FRMPD4: variants seen among roughly 807,000 people sequenced by gnomAD.
FRMPD4 encodes FERM and PDZ domain-containing protein 4.
In FRMPD4, 22 loss-of-function variants were observed where a neutral mutation model predicts 94.1. The ratio of observed to expected loss-of-function variants is 0.23; its 90% confidence interval spans 0.17 to 0.33. The LOEUF (loss-of-function observed/expected upper bound fraction) is 0.33. Ranked by LOEUF, FRMPD4 falls within the 10% of genes least tolerant of loss-of-function variation. FRMPD4 has a pLI of 1.00. For missense variants in FRMPD4, 1,111 were observed against 1,339.9 expected, an observed-to-expected ratio of 0.83 and a Z score of 2.67; for synonymous variants, 631 against 548.6, an observed-to-expected ratio of 1.15 and a Z score of -2.10.
intron 1 of FRMPD4, among the ~76,000 whole-genome samples, chrX:12,160,061 G>A (rs184135368): frequency 0.071 from 6,772 of 95,111 alleles, 542 homozygotes; most frequent in African/African-American, 0.25. Context: ...AGCTGTAGAT[G>A]TTGAGGGGTG....
intron 1 of FRMPD4, among the ~76,000 whole-genome samples, chrX:11,852,060 A>T: frequency 9.0e-6 from 1 of 111,236 alleles, no homozygotes; most frequent in Admixed American, 9.6e-5. Flanking sequence ...GATTAAGAAA[A>T]GAGTCTTTGT....
chrX:12,237,813 G>A (rs750156955), intron 1 of FRMPD4, among the ~76,000 whole-genome samples: 1 of 112,565 alleles, frequency 8.9e-6, no homozygotes, highest in African/African-American at 3.2e-5. Flanking sequence ...TTTTCTATAA[G>A]TATAATCCTT....
chrX:12,650,083 GAA>G (rs2059583131), intron 4 of FRMPD4, among the ~76,000 whole-genome samples: 1 of 112,829 alleles, frequency 8.9e-6, no homozygotes, highest in Non-Finnish European at 1.9e-5. Context: ...GTGTTCTGAG[GAA>G]AGAGATTGAG....
intron 1 of FRMPD4, among the ~76,000 whole-genome samples, chrX:12,170,108 T>C (rs901419005): frequency 9.0e-6 from 1 of 111,245 alleles, no homozygotes; most frequent in Non-Finnish European, 1.9e-5. Context: ...GCCTCCAAGA[T>C]TTTCTTCCAA....
intron 1 of FRMPD4, among the ~76,000 whole-genome samples, chrX:12,195,566 AGTT>A (rs1321830190): frequency 2.7e-5 from 3 of 111,645 alleles, no homozygotes; most frequent in African/African-American, 9.8e-5. Context: ...CAGAGCCCAG[AGTT>A]GTTATTGTTG....
chrX:12,543,985 G>A (rs1286722810), intron 2 of FRMPD4, among the ~76,000 whole-genome samples: 1 of 107,315 alleles, frequency 9.3e-6, no homozygotes, highest in Non-Finnish European at 1.9e-5. Context: ...CTATTGCAGG[G>A]ACAAAAAACC....
intron 1 of FRMPD4, among the ~76,000 whole-genome samples, chrX:12,251,068 G>A (rs1455278796): frequency 8.9e-6 from 1 of 112,178 alleles, no homozygotes; most frequent in East Asian, 2.8e-4. Context: ...GTAAAAATGT[G>A]GTAAATTTGC....
intron 1 of FRMPD4, among the ~76,000 whole-genome samples, chrX:12,388,171 T>C (rs2056423109): frequency 9.0e-6 from 1 of 111,250 alleles, no homozygotes; most frequent in African/African-American, 3.3e-5. Context: ...GCAAAAGTGT[T>C]AGTTACAAGG....
At chrX:12,204,585 C>G (rs919536993) in intron 1 of FRMPD4, among the ~76,000 whole-genome samples, 1 of 111,184 alleles carries the variant, frequency 9.0e-6, no homozygotes, top group Non-Finnish European at 1.9e-5. Context: ...CTTTGATTTT[C>G]GAAGCCTCCT....
At chrX:12,395,259 T>C (rs2056528117) in intron 1 of FRMPD4, among the ~76,000 whole-genome samples, 1 of 112,308 alleles carries the variant, frequency 8.9e-6, no homozygotes, top group Non-Finnish European at 1.9e-5. Flanking sequence ...CAGCTAGGCC[T>C]CTAACAAAAC....
At chrX:12,208,102 C>T (rs1180958433) in intron 1 of FRMPD4, among the ~76,000 whole-genome samples, 2 of 111,506 alleles carry the variant, frequency 1.8e-5, no homozygotes, top group Non-Finnish European at 3.8e-5. Context: ...CAAGCCTCCA[C>T]AAAATTAAGG....
intron 3 of FRMPD4, chrX:12,054,961 G>C (rs2054846156): frequency 9.0e-6 from 1 of 111,712 alleles, no homozygotes; most frequent in Admixed American, 9.5e-5. Flanking sequence ...TATTATAGAA[G>C]TGTGATGTGA....
intron 1 of FRMPD4, among the ~76,000 whole-genome samples, chrX:11,845,829 A>G (rs2053572937): frequency 9.2e-6 from 1 of 108,447 alleles, no homozygotes; most frequent in Non-Finnish European, 1.9e-5. Flanking sequence ...AAATTCAACA[A>G]CCCTTCACGC....
At chrX:12,313,791 G>A (rs1331655574) in intron 1 of FRMPD4, among the ~76,000 whole-genome samples, 1 of 110,916 alleles carries the variant, frequency 9.0e-6, no homozygotes, top group Non-Finnish European at 1.9e-5. Flanking sequence ...TATGAATCTG[G>A]TACCTGACTT....
intron 2 of FRMPD4, among the ~76,000 whole-genome samples, chrX:12,542,970 C>G (rs1307729079): frequency 6.3e-5 from 7 of 111,820 alleles, no homozygotes; most frequent in African/African-American, 2.0e-4. Flanking sequence ...ACAAACCTGA[C>G]AAAAACAAGA....
chrX:12,140,470 A>G (rs2147568662), intron 1 of FRMPD4, among the ~76,000 whole-genome samples: 1 of 112,188 alleles, frequency 8.9e-6, no homozygotes, highest in East Asian at 2.8e-4. Context: ...GCCTAGGGCT[A>G]GTTTCTAAAC....
rs901728548 is a variant in FRMPD4 at position 12,721,830 on chromosome X, G to A, written c.5261G>A (p.Arg1754His). 51 of 752,106 alleles carry A rather than the reference G, an allele frequency of 6.8e-5. No homozygotes were observed. The highest frequency in any genetic ancestry group is 6.9e-5 in the Non-Finnish European group (44 of 636,959). The allele number at this position is 752,106 out of a possible 1,213,427, so 62.0% of individuals were successfully genotyped here. A position where few individuals can be genotyped will look rare whatever the true frequency, so the allele number is the denominator to read the frequency against. Residue 1754 changes from arginine to histidine, a missense_variant, in exon 17 of 17, where the codon CGT (arginine) becomes CAT (histidine). Arg to His is a conservative substitution (Grantham distance 29). Coordinates refer to ENST00000675598, the MANE Select transcript of FRMPD4 (RefSeq NM_001368397.1). ...GCCGCTCTCGTAAGCACACTGACACGTTCTCTCAAGAGGCTTTTAAACAAA... is the reference window on the plus strand; with the variant it reads ...GCCGCTCTCGTAAGCACACTGACACATTCTCTCAAGAGGCTTTTAAACAAA... ...TMAALVSTLT[R>H]SLKRLLNK
At chrX:12,431,624 G>A (rs894005096) in intron 1 of FRMPD4, among the ~76,000 whole-genome samples, 3 of 111,992 alleles carry the variant, frequency 2.7e-5, no homozygotes, top group Non-Finnish European at 5.6e-5. Flanking sequence ...GGCCCGCAGA[G>A]TCATTGGAGT....
chrX:12,538,652 A>G (rs1474579093), intron 2 of FRMPD4, among the ~76,000 whole-genome samples: 1 of 111,705 alleles, frequency 9.0e-6, no homozygotes, highest in African/African-American at 3.3e-5. Flanking sequence ...TCAGGCAGCA[A>G]CATTTGCTGT....
Sources: gnomAD v4.1 joint callset for allele counts (sites outside exome capture counted in the v4.1 genomes callset) on GRCh38, gnomAD v4.1.1 for gene constraint, MANE v1.5 for transcripts, NCBI Gene and HGNC (gene_info 2026-07-23, HGNC 2026-07-21) for gene names.